GALNT18: variants seen among roughly 807,000 people sequenced by gnomAD.
The protein encoded by GALNT18 is GalNAc-transferase 18.
Under a neutral mutation model 69.5 loss-of-function variants are expected in GALNT18, and 44 were observed. The observed-to-expected ratio is 0.63, with a 90% confidence interval of 0.50 to 0.81. The LOEUF (loss-of-function observed/expected upper bound fraction) is 0.81. Ranked by LOEUF, GALNT18 falls within the 40% of genes least tolerant of loss-of-function variation. GALNT18 has a pLI of 0.00. For missense variants in GALNT18, 715 were observed against 810.0 expected (o/e 0.88, Z 1.42); for synonymous variants, 364 against 318.2 (o/e 1.14, Z -1.53).
At chr11:11,416,964 C>A (rs1429022575) in intron 3 of GALNT18, among the ~76,000 whole-genome samples, 1 of 152,232 alleles carries the variant, frequency 6.6e-6, no homozygotes, top group Admixed American at 6.5e-5. Context: ...GACAAGCTGT[C>A]CTAAGTGACC....
At chr11:11,599,867 A>G (rs1490100076) in intron 1 of GALNT18, among the ~76,000 whole-genome samples, 2 of 152,034 alleles carry the variant, frequency 1.3e-5, no homozygotes, top group African/African-American at 2.4e-5. Context: ...TCAAGTTAAC[A>G]TACTCATCAC....
intron 6 of GALNT18, among the ~76,000 whole-genome samples, chr11:11,368,519 C>A (rs1015489720): frequency 1.3e-5 from 2 of 152,162 alleles, no homozygotes; most frequent in African/African-American, 4.8e-5. Context: ...TGTCTTTCAA[C>A]ATTTTTTCAC....
At chr11:11,594,435 A>T (rs1421094265) in intron 1 of GALNT18, among the ~76,000 whole-genome samples, 5 of 152,250 alleles carry the variant, frequency 3.3e-5, no homozygotes. Flanking sequence ...CATCACTCCC[A>T]AAAGAAACCC....
At chr11:11,328,714 C>T (rs1849968216) in intron 8 of GALNT18, among the ~76,000 whole-genome samples, 1 of 152,176 alleles carries the variant, frequency 6.6e-6, no homozygotes, top group South Asian at 2.1e-4. Flanking sequence ...GCAAATCCTC[C>T]ATTATAAACC....
chr11:11,479,835 C>A (rs561747299), intron 1 of GALNT18, among the ~76,000 whole-genome samples: 1 of 152,228 alleles, frequency 6.6e-6, no homozygotes, highest in East Asian at 1.9e-4. Flanking sequence ...CTTCTGGAAG[C>A]CTCATCTAGT....
At chr11:11,475,338 CT>C (rs1856366708) in intron 1 of GALNT18, 1 of 152,128 alleles carries the variant, frequency 6.6e-6, no homozygotes, top group Non-Finnish European at 1.5e-5. Context: ...CAGTGATATC[CT>C]TCCAAATCTC....
chr11:11,286,772 G>A (rs1009625740), intron 10 of GALNT18, among the ~76,000 whole-genome samples: 6 of 152,106 alleles, frequency 3.9e-5, no homozygotes, highest in Admixed American at 1.3e-4. Flanking sequence ...AGAGGGACAC[G>A]GGTTGAAATA....
chr11:11,493,747 G>T (rs868462788), intron 1 of GALNT18, among the ~76,000 whole-genome samples: 3 of 95,760 alleles, frequency 3.1e-5, no homozygotes, highest in African/African-American at 1.0e-4. Flanking sequence ...TTGGAAAGTC[G>T]TGTTTCTGCT....
chr11:11,286,866 A>G (rs1849205635), intron 10 of GALNT18, among the ~76,000 whole-genome samples: 1 of 152,194 alleles, frequency 6.6e-6, no homozygotes. Flanking sequence ...CCCAGTGAGA[A>G]TTCTAGGTGG....
At position 11,587,780 on chromosome 11, in the gene GALNT18, G is replaced by A. The variant is rs2133921349; in HGVS notation, c.235+33579C>T. 6.6e-6 allele frequency among the ~76,000 whole-genome samples: 1 copy of A among 152,256 alleles called. No homozygotes were observed. The highest frequency in any genetic ancestry group is 2.1e-4 in the South Asian group (1 of 4,816). ...AAGAAGAGGGAAAAGTCAATGGTTG[G>A]TAAAGCCCACCCCATCTCTAGCCCC... On this transcript the variant is annotated intron_variant, in intron 1 of 10. Transcript: ENST00000227756. The surrounding 1 kb of genome is among the most constrained non-coding windows in gnomAD (Gnocchi z 4.4).
Position 11,621,453 on chromosome 11 carries a change from C to T in GALNT18, c.141G>A (p.Ala47=). The stretch of plus-strand genomic sequence containing the variant: ...TGTCTTCCTCCAGCTTCTTGTCGGG[C>T]GCCGGCTCCTGCCCCCGCACATACA... ...ASVYVRGQEP[A]PDKKLEEDKG... Residue 47 remains alanine (A), a synonymous_variant, in exon 1 of 11, where the codon GCG becomes GCA. Coordinates refer to ENST00000227756, the MANE Select transcript of GALNT18 (RefSeq NM_198516.3). The surrounding 1 kb of genome is among the most constrained non-coding windows in gnomAD (Gnocchi z 9.3). The T allele has an allele frequency of 1.2e-6, 2 of 1,614,172 alleles. No individual in the cohort carries two copies. Among genetic ancestry groups the T allele is most frequent in the Non-Finnish European group, 1.7e-6 (2 of 1,180,020 alleles).
intron 1 of GALNT18, among the ~76,000 whole-genome samples, chr11:11,514,537 C>T (rs376086366): frequency 6.6e-6 from 1 of 152,316 alleles, no homozygotes; most frequent in East Asian, 1.9e-4. Context: ...TGAAATTTCA[C>T]ATTTCCCATT....
At chr11:11,412,740 T>C (rs1049949062) in intron 3 of GALNT18, among the ~76,000 whole-genome samples, 2 of 152,208 alleles carry the variant, frequency 1.3e-5, no homozygotes, top group Non-Finnish European at 2.9e-5. Context: ...CCAACTGATA[T>C]CCTTGGAGCC....
chr11:11,455,563 G>A (rs1159499296), intron 1 of GALNT18, among the ~76,000 whole-genome samples: 1 of 152,120 alleles, frequency 6.6e-6, no homozygotes, highest in Non-Finnish European at 1.5e-5. Flanking sequence ...GCACTCTGTG[G>A]GGCTCAAAGC....
intron 9 of GALNT18, among the ~76,000 whole-genome samples, chr11:11,306,427 TG>T (rs1590025146): frequency 6.6e-6 from 1 of 152,254 alleles, no homozygotes; most frequent in East Asian, 1.9e-4. Context: ...GATAAAATAA[TG>T]GTGGCTGATT....
At position 11,586,220 on chromosome 11, in the gene GALNT18, T is replaced by C. The variant is rs1443614603; in HGVS notation, c.235+35139A>G. Among the ~76,000 whole-genome samples, 1 of 152,176 alleles carries C rather than the reference T, an allele frequency of 6.6e-6. No individual in the cohort carries two copies. Among genetic ancestry groups the C allele is most frequent in the Non-Finnish European group, 1.5e-5 (1 of 68,028 alleles). ...GGACTAAAACAAATTGTACCAAGAG[T>C]CTGTAGTTCTTTTTCACAAAAAGTG... On this transcript the variant is annotated intron_variant, in intron 1 of 10. Transcript: ENST00000227756. This position sits in a 1 kb window ranked among gnomAD's most constrained non-coding sequence, Gnocchi z 4.1.
chr11:11,411,476 C>T (rs1434465769), intron 3 of GALNT18, among the ~76,000 whole-genome samples: 4 of 152,196 alleles, frequency 2.6e-5, no homozygotes, highest in African/African-American at 9.7e-5. Flanking sequence ...CTGGGCTCCA[C>T]GGGAGCTCAA....
intron 2 of GALNT18, among the ~76,000 whole-genome samples, chr11:11,433,233 C>T (rs1855316021): frequency 6.6e-6 from 1 of 152,246 alleles, no homozygotes; most frequent in Admixed American, 6.5e-5. Context: ...CGCCTCCTCC[C>T]AGAGACTTCT....
intron 3 of GALNT18, among the ~76,000 whole-genome samples, chr11:11,426,624 A>T (rs928388417): frequency 6.6e-6 from 1 of 152,222 alleles, no homozygotes; most frequent in African/African-American, 2.4e-5. Context: ...GGGGAGGGAA[A>T]TGTGCAAATA....
Sources: gnomAD v4.1 joint callset for allele counts (sites outside exome capture counted in the v4.1 genomes callset) on GRCh38, gnomAD v4.1.1 for gene constraint, Gnocchi (gnomAD v3.1) non-coding constraint, MANE v1.5 for transcripts, NCBI Gene and HGNC (gene_info 2026-07-23, HGNC 2026-07-21) for gene names.